Variants in VRK2 observed in about 807,000 individuals in gnomAD.
VRK2 encodes serine/threonine-protein kinase VRK2.
VRK2 carries 60 observed loss-of-function variants against 57.6 expected under a neutral mutation model. That is an observed-to-expected ratio of 1.04 (90% CI 0.85 to 1.29). The LOEUF (loss-of-function observed/expected upper bound fraction) is 1.29, where lower values mean the gene tolerates loss of function less well. Ranked by LOEUF, VRK2 falls within the 50% of genes most tolerant of loss-of-function variation. VRK2 has a pLI of 0.00. For missense variants in VRK2, 705 were observed against 588.1 expected (o/e 1.20, Z -2.06); for synonymous variants, 231 against 199.2 (o/e 1.16, Z -1.35).
At chr2:58,016,029 T>C (rs985429891) in intron 1 of VRK2, among the ~76,000 whole-genome samples, 7 of 152,154 alleles carry the variant, frequency 4.6e-5, no homozygotes, top group Admixed American at 2.6e-4. Context: ...TGGTTCTCTA[T>C]CTCCTCCTTT....
chr2:58,143,005 T>A (rs1196182672), intron 11 of VRK2, among the ~76,000 whole-genome samples: 1 of 151,884 alleles, frequency 6.6e-6, no homozygotes, highest in Non-Finnish European at 1.5e-5. Context: ...GTCCCTTCAT[T>A]CACCTTAAAT....
chr2:57,914,448 A>T (rs1670085448), intron 1 of VRK2, among the ~76,000 whole-genome samples: 1 of 152,070 alleles, frequency 6.6e-6, no homozygotes, highest in Non-Finnish European at 1.5e-5. Context: ...AAATAATTTA[A>T]ACTACATCAG....
chr2:58,067,770 AAGAACTGAAGAAGAGACAC>A (rs1249754748), intron 2 of VRK2, among the ~76,000 whole-genome samples: 31 of 152,242 alleles, frequency 2.0e-4, no homozygotes, highest in African/African-American at 7.2e-4. Flanking sequence ...ATATATTTTG[AAGAACTGAAGAAGAGACAC>A]ACAATCTATT....
chr2:58,013,920 T>C (rs1006773877), intron 1 of VRK2, among the ~76,000 whole-genome samples: 1 of 150,822 alleles, frequency 6.6e-6, no homozygotes, highest in African/African-American at 2.5e-5. Context: ...GATTAAAATA[T>C]TCATAATAAT....
At chr2:58,128,772 G>A (rs1448838306) in intron 8 of VRK2, among the ~76,000 whole-genome samples, 1 of 152,122 alleles carries the variant, frequency 6.6e-6, no homozygotes, top group Non-Finnish European at 1.5e-5. Flanking sequence ...CTTGTCAATA[G>A]GGCTAATACT....
At chr2:57,955,027 A>T (rs1456067087) in intron 1 of VRK2, among the ~76,000 whole-genome samples, 2 of 152,296 alleles carry the variant, frequency 1.3e-5, no homozygotes, top group African/African-American at 2.4e-5. Flanking sequence ...TGATATATTT[A>T]CCAAAACTAG....
intron 1 of VRK2, among the ~76,000 whole-genome samples, chr2:57,914,297 A>G (rs959482242): frequency 6.6e-6 from 1 of 150,980 alleles, no homozygotes; most frequent in Non-Finnish European, 1.5e-5. Flanking sequence ...AATGGAAATT[A>G]TCTCATAAAA....
intron 2 of VRK2, among the ~76,000 whole-genome samples, chr2:58,033,066 A>T (rs1019568450): frequency 4.6e-5 from 7 of 152,116 alleles, no homozygotes; most frequent in Admixed American, 3.9e-4. Context: ...GGGGACACAG[A>T]CACTCAGTCT....
intron 12 of VRK2, among the ~76,000 whole-genome samples, chr2:58,157,300 A>ATAAC (rs1684040708): frequency 2.0e-5 from 3 of 152,260 alleles, no homozygotes; most frequent in African/African-American, 7.2e-5. Flanking sequence ...TTCAAAGTTA[A>ATAAC]TAACTATTCT....
intron 1 of VRK2, among the ~76,000 whole-genome samples, chr2:57,930,413 C>A (rs1309484847): frequency 1.3e-5 from 2 of 152,126 alleles, no homozygotes; most frequent in African/African-American, 4.8e-5. Context: ...GATTCTCTTT[C>A]TGGGCCACGC....
chr2:57,958,506 A>G (rs914714447), intron 1 of VRK2, among the ~76,000 whole-genome samples: 3 of 151,766 alleles, frequency 2.0e-5, no homozygotes, highest in African/African-American at 7.3e-5. Flanking sequence ...GTCATATGCT[A>G]TATATCACAT....
exon 3 of VRK2, chr2:58,033,333 T>C (rs977717120): frequency 7.9e-5 from 12 of 152,000 alleles, no homozygotes; most frequent in Non-Finnish European, 4.4e-5. Flanking sequence ...CACAATGTAA[T>C]CACAAGGGGC....
intron 8 of VRK2, among the ~76,000 whole-genome samples, chr2:58,128,644 C>T (rs1678720253): frequency 6.6e-6 from 1 of 152,096 alleles, no homozygotes; most frequent in African/African-American, 2.4e-5. Context: ...AAAGTAATTG[C>T]AAGATTGAGC....
intron 2 of VRK2, among the ~76,000 whole-genome samples, chr2:58,056,528 C>T (rs1676543740): frequency 6.6e-6 from 1 of 152,174 alleles, no homozygotes; most frequent in Non-Finnish European, 1.5e-5. Flanking sequence ...AATGAATTCT[C>T]AGCTTTGGCT....
At chr2:58,122,252 T>A (rs1677624407) in intron 7 of VRK2, among the ~76,000 whole-genome samples, 1 of 152,194 alleles carries the variant, frequency 6.6e-6, no homozygotes, top group African/African-American at 2.4e-5. Context: ...AGGTTTACAG[T>A]TGACCTATGA....
At chr2:57,951,635 C>G (rs1416503569) in intron 1 of VRK2, among the ~76,000 whole-genome samples, 1 of 152,150 alleles carries the variant, frequency 6.6e-6, no homozygotes, top group Non-Finnish European at 1.5e-5. Context: ...CCACCCTAAT[C>G]TTCAGCACTA....
intron 3 of VRK2, among the ~76,000 whole-genome samples, chr2:58,038,465 C>A (rs965495947): frequency 5.9e-5 from 9 of 152,226 alleles, no homozygotes; most frequent in Non-Finnish European, 1.0e-4. Flanking sequence ...TTCTGCCTTA[C>A]AGTGGTGTAT....
chr2:58,030,294 G>GT (rs1271729937), intron 2 of VRK2, among the ~76,000 whole-genome samples: 1 of 152,004 alleles, frequency 6.6e-6, no homozygotes, highest in African/African-American at 2.4e-5. Context: ...TGTCTTAGGT[G>GT]TTTCATTTAT....
chr2:57,983,156 G>C (rs80088616), intron 1 of VRK2, among the ~76,000 whole-genome samples: 1 of 152,084 alleles, frequency 6.6e-6, no homozygotes, highest in South Asian at 2.1e-4. Flanking sequence ...CATCTGTTCA[G>C]AGTATGCTGA....
Sources: allele counts gnomAD v4.1 joint callset (sites outside exome capture counted in the v4.1 genomes callset), GRCh38; gene constraint gnomAD v4.1.1; transcripts MANE v1.5; gene names NCBI Gene and HGNC (gene_info 2026-07-23, HGNC 2026-07-21).